The following SYT1 variants were observed in gnomAD, a reference collection of about 807,000 sequenced individuals.
SYT1 encodes the protein synaptotagmin-1.
SYT1 carries 8 observed loss-of-function variants against 44.8 expected under a neutral mutation model. The ratio of observed to expected loss-of-function variants is 0.18; its 90% CI spans 0.10 to 0.32. The LOEUF is 0.32. Ranked by LOEUF, SYT1 falls within the 10% of genes least tolerant of loss-of-function variation. SYT1 has a pLI of 1.00. For missense variants in SYT1, 286 were observed against 509.3 expected (o/e 0.56, Z 4.22); for synonymous variants, 154 against 188.8 (o/e 0.82, Z 1.51).
chr12:79,236,379 T>A (rs939343738), intron 4 of SYT1, among the ~76,000 whole-genome samples: 1 of 152,196 alleles, frequency 6.6e-6, no homozygotes, highest in African/African-American at 2.4e-5. Flanking sequence ...ACTGAACTAA[T>A]TACTGTTCTA....
intron 9 of SYT1, among the ~76,000 whole-genome samples, chr12:79,441,024 C>T (rs1440879370): frequency 6.6e-6 from 1 of 152,162 alleles, no homozygotes; most frequent in Non-Finnish European, 1.5e-5. Context: ...AAAATGGAGA[C>T]TCAATCTAAG....
chr12:79,112,026 GAA>G (rs78185411), intron 3 of SYT1, among the ~76,000 whole-genome samples: 15 of 135,560 alleles, frequency 1.1e-4, no homozygotes, highest in African/African-American at 2.4e-4. Flanking sequence ...AAAGGATCAG[GAA>G]AAAAAAAAAA....
intron 4 of SYT1, among the ~76,000 whole-genome samples, chr12:79,274,077 C>T (rs1401898032): frequency 2.0e-5 from 3 of 152,034 alleles, no homozygotes; most frequent in Admixed American, 6.5e-5. Context: ...AGCAAGACTC[C>T]GTCTGAAAAA....
At chr12:79,314,062 G>C (rs374604014) in intron 8 of SYT1, among the ~76,000 whole-genome samples, 7 of 149,986 alleles carry the variant, frequency 4.7e-5, no homozygotes, top group Non-Finnish European at 1.0e-4. Context: ...CCAGCTACTC[G>C]GGAGGCTGAG....
intron 4 of SYT1, among the ~76,000 whole-genome samples, chr12:79,251,418 T>C (rs888790333): frequency 3.9e-5 from 6 of 152,100 alleles, no homozygotes; most frequent in African/African-American, 1.4e-4. Flanking sequence ...AAATAGAACT[T>C]GCTCAGATAA....
At chr12:79,203,063 G>A (rs891297109) in intron 3 of SYT1, among the ~76,000 whole-genome samples, 2 of 148,688 alleles carry the variant, frequency 1.3e-5, no homozygotes, top group Admixed American at 6.8e-5. Context: ...AGTTAGCTTC[G>A]CCTAGTAGAT....
intron 3 of SYT1, among the ~76,000 whole-genome samples, chr12:79,109,941 G>T (rs1878922885): frequency 6.6e-6 from 1 of 152,156 alleles, no homozygotes; most frequent in African/African-American, 2.4e-5. Flanking sequence ...TACTGCCAAA[G>T]AATCTCAGAT....
intron 4 of SYT1, among the ~76,000 whole-genome samples, chr12:79,256,032 C>A (rs1877493769): frequency 6.6e-6 from 1 of 152,130 alleles, no homozygotes; most frequent in African/African-American, 2.4e-5. Flanking sequence ...CCCTAGAATA[C>A]AAAATGAATA....
rs1234837683 is a variant in SYT1 at position 79,399,336 on chromosome 12, G to C, written c.929-44737G>C. ...TTCAAAATTCCAATCACTGTCTTCA[G>C]TAGGTAATCCCAAGGAATATTATGA... On this transcript the variant is annotated intron_variant, in intron 9 of 10. Transcript: ENST00000261205. 2.1e-5 allele frequency among the ~76,000 whole-genome samples: 3 copies of C among 144,172 alleles called. No individual in the cohort carries two copies. In the Admixed American group the frequency reaches 2.1e-4, roughly 10 times the overall value. 94.6% of individuals were successfully genotyped at this position (144,172 alleles called of 152,430 possible).
chr12:78,945,029 CT>C (rs1878575343), intron 1 of SYT1, among the ~76,000 whole-genome samples: 17 of 152,196 alleles, frequency 1.1e-4, no homozygotes, highest in Middle Eastern at 3.4e-3. Context: ...CATACCAATC[CT>C]GGAAATGTGT....
intron 3 of SYT1, among the ~76,000 whole-genome samples, chr12:79,173,091 C>T (rs1323752379): frequency 6.8e-6 from 1 of 146,692 alleles, no homozygotes; most frequent in East Asian, 2.1e-4. Flanking sequence ...TGATTAATAG[C>T]ATCTCTACCT....
chr12:78,892,398 T>G (rs1209946810), intron 1 of SYT1, among the ~76,000 whole-genome samples: 1 of 151,778 alleles, frequency 6.6e-6, no homozygotes, highest in Non-Finnish European at 1.5e-5. Flanking sequence ...GATCAGTCAC[T>G]GCTATTATAA....
intron 8 of SYT1, among the ~76,000 whole-genome samples, chr12:79,342,639 C>T (rs1167461320): frequency 6.6e-6 from 1 of 152,034 alleles, no homozygotes; most frequent in Non-Finnish European, 1.5e-5. Flanking sequence ...ATGGTGAAGA[C>T]TATAAGGATG....
chr12:79,074,756 C>T (rs1268813609), intron 3 of SYT1, among the ~76,000 whole-genome samples: 1 of 152,094 alleles, frequency 6.6e-6, no homozygotes, highest in East Asian at 1.9e-4. Flanking sequence ...TTTCTCTGAG[C>T]ATCAGCTGAT....
chr12:78,994,495 T>G (rs1870232540), intron 2 of SYT1, among the ~76,000 whole-genome samples: 1 of 151,482 alleles, frequency 6.6e-6, no homozygotes, highest in South Asian at 2.1e-4. Context: ...CCTTTTTTTT[T>G]TTTTTCTTTT....
intron 9 of SYT1, among the ~76,000 whole-genome samples, chr12:79,379,759 T>A (rs546404783): frequency 2.6e-5 from 4 of 152,260 alleles, no homozygotes; most frequent in Admixed American, 2.0e-4. Flanking sequence ...AAATTACCCA[T>A]AAGGTAATTT....
intron 1 of SYT1, among the ~76,000 whole-genome samples, chr12:78,868,072 A>T (rs182623925): frequency 6.6e-6 from 1 of 152,078 alleles, no homozygotes; most frequent in Admixed American, 6.5e-5. Context: ...CTAATCTTAA[A>T]GAACACACAC....
chr12:79,288,911 C>T (rs975264572), intron 5 of SYT1, among the ~76,000 whole-genome samples: 3 of 152,104 alleles, frequency 2.0e-5, no homozygotes, highest in African/African-American at 4.8e-5. Context: ...GCACCTGGGG[C>T]TCCACAGCTG....
intron 9 of SYT1, among the ~76,000 whole-genome samples, chr12:79,372,936 G>C (rs1883851757): frequency 6.6e-6 from 1 of 151,874 alleles, no homozygotes; most frequent in African/African-American, 2.4e-5. Context: ...TCCACTTTTG[G>C]GTCCTAACTT....
Sources: gnomAD v4.1 joint callset for allele counts (sites outside exome capture counted in the v4.1 genomes callset) on GRCh38, gnomAD v4.1.1 for gene constraint, MANE v1.5 for transcripts, NCBI Gene and HGNC (gene_info 2026-07-23, HGNC 2026-07-21) for gene names.